Variants in ANKRD44 observed in about 807,000 individuals in gnomAD.
ANKRD44 encodes ankyrin repeat domain 44.
Under a neutral mutation model 116.0 loss-of-function variants are expected in ANKRD44, and 35 were observed. The observed-to-expected ratio is 0.30, with a 90% CI of 0.23 to 0.40. The LOEUF is 0.40. Among genes scored for constraint, ANKRD44 ranks in the 10% least tolerant of loss-of-function variants. The pLI is 1.00. For missense variants in ANKRD44, 1,014 were observed against 1,242.6 expected (o/e 0.82, Z 2.77); for synonymous variants, 435 against 461.8 (o/e 0.94, Z 0.74).
At chr2:197,096,903 T>C (rs1159482391) in intron 10 of ANKRD44, among the ~76,000 whole-genome samples, 1 of 148,070 alleles carries the variant, frequency 6.8e-6, no homozygotes, top group Non-Finnish European at 1.5e-5. Context: ...CACACACACA[T>C]ACAATCACTG....
intron 1 of ANKRD44, among the ~76,000 whole-genome samples, chr2:197,215,352 G>A (rs9677643): frequency 0.2 from 30,884 of 152,122 alleles, 3,296 homozygotes; most frequent in Middle Eastern, 0.31. Flanking sequence ...TTTTGGTAGA[G>A]AAAAGGCTAT....
intron 2 of ANKRD44, among the ~76,000 whole-genome samples, chr2:197,166,278 C>T (rs1453294191): frequency 6.6e-6 from 1 of 152,094 alleles, no homozygotes. Context: ...TGCCTTTGGC[C>T]AAAAGCAACA....
At chr2:197,209,422 G>A (rs1000031658) in intron 1 of ANKRD44, among the ~76,000 whole-genome samples, 8 of 152,210 alleles carry the variant, frequency 5.3e-5, no homozygotes, top group Non-Finnish European at 8.8e-5. Flanking sequence ...TGGGATGGGA[G>A]TCGGAGAAAG....
At chr2:197,000,292 G>A (rs2076091339) in intron 23 of ANKRD44, 127 bp downstream of exon 23, 5 of 724,920 alleles carry the variant, frequency 6.9e-6, no homozygotes, top group African/African-American at 1.8e-5. Context: ...TACACCCTCT[G>A]TAATATTAAA....
chr2:197,241,769 A>T (rs867695723), intron 1 of ANKRD44, among the ~76,000 whole-genome samples: 3 of 152,166 alleles, frequency 2.0e-5, no homozygotes, highest in African/African-American at 7.2e-5. Flanking sequence ...TGATAGTAAC[A>T]TGAGAATAAA....
chr2:197,186,966 G>C (rs1463785810), intron 2 of ANKRD44, 57 bp downstream of exon 2: 2 of 1,466,028 alleles, frequency 1.4e-6, no homozygotes, highest in Non-Finnish European at 1.9e-6. Context: ...AAGGTTAAGA[G>C]TCCTTTCCTG....
intron 16 of ANKRD44, among the ~76,000 whole-genome samples, chr2:197,054,806 G>A (rs1322659558): frequency 6.6e-6 from 1 of 152,168 alleles, no homozygotes; most frequent in African/African-American, 2.4e-5. Context: ...TTGCAGACTA[G>A]TTTCTGTATG....
chr2:197,120,646 C>T (rs13008943), intron 8 of ANKRD44, among the ~76,000 whole-genome samples: 72,885 of 151,416 alleles, frequency 0.48, 20,058 homozygotes, highest in East Asian at 0.94. Context: ...AGCAAAACTC[C>T]ATCTCAAAAA....
In ANKRD44 at chr2:197,025,238, T is replaced by C. The variant is rs1389566951; in HGVS notation, c.1680A>G (p.Glu560=). 6.2e-7 allele frequency: 1 copy of C among 1,612,414 alleles called. No homozygotes were observed. The highest frequency in any genetic ancestry group is 1.3e-5 in the African/African-American group (1 of 74,928). Residue 560 remains glutamate (E), a synonymous_variant, in exon 17 of 28, where the codon GAA becomes GAG. Transcript: ENST00000282272. ...TCTTAGTAGCACCAGAATCTGATTC[T>C]TCAAATCCACTGTTTGTTCTTTCCA... The part of the protein sequence containing the change: ...LLLERTNSGF[E]ESDSGATKSP...
intron 21 of ANKRD44, 143 bp downstream of exon 21, chr2:197,005,551 A>G: frequency 1.3e-6 from 1 of 787,212 alleles, no homozygotes; most frequent in Non-Finnish European, 2.0e-6. Context: ...AAAACAAACA[A>G]AATACACAAA....
intron 21 of ANKRD44, among the ~76,000 whole-genome samples, chr2:196,980,764 T>C (rs936782756): frequency 1.3e-5 from 2 of 152,014 alleles, no homozygotes; most frequent in African/African-American, 2.4e-5. Context: ...GTTTGGTTAG[T>C]TTTTTAATAG....
intron 2 of ANKRD44, among the ~76,000 whole-genome samples, chr2:197,182,081 C>A (rs1277351330): frequency 2.0e-5 from 3 of 152,170 alleles, no homozygotes; most frequent in African/African-American, 7.2e-5. Context: ...CCTCAAAATG[C>A]CTTTATTGAA....
chr2:197,263,187 C>A, intron 1 of ANKRD44: 1 of 483,378 alleles, frequency 2.1e-6, no homozygotes. Flanking sequence ...CATCTGCTAC[C>A]TGCAGTGGTG....
chr2:197,205,321 A>C lies in ANKRD44; in HGVS notation c.28-18215T>G, dbSNP rs116172448. On this transcript the variant is annotated intron_variant, in intron 1 of 27. Coordinates refer to ENST00000282272, the MANE Select transcript of ANKRD44 (RefSeq NM_001195144.2). ...AGTATTCTGATCCATGGTTTTACCCACCTGGCCAGTAAGGAAGGGAAGGAG... is the reference window on the plus strand; with the variant it reads ...AGTATTCTGATCCATGGTTTTACCCCCCTGGCCAGTAAGGAAGGGAAGGAG... Among the ~76,000 whole-genome samples the C allele has an allele frequency of 2.4e-3, 362 of 152,326 alleles. 1 individual carries two copies. Among genetic ancestry groups the C allele is most frequent in the African/African-American group, 7.9e-3 (330 of 41,576 alleles).
At chr2:197,044,087 T>G (rs12996588) in intron 16 of ANKRD44, among the ~76,000 whole-genome samples, 1 of 152,222 alleles carries the variant, frequency 6.6e-6, no homozygotes, top group African/African-American at 2.4e-5. Context: ...TTACTGTATT[T>G]CTTGGAATTT....
intron 17 of ANKRD44, chr2:197,015,342 A>G (rs757898833): frequency 1.9e-6 from 1 of 513,402 alleles, no homozygotes; most frequent in Non-Finnish European, 3.6e-6. Flanking sequence ...CAAGATTACA[A>G]CCACAGAAGT....
intron 1 of ANKRD44, among the ~76,000 whole-genome samples, chr2:197,216,613 G>A (rs1372167355): frequency 6.6e-6 from 1 of 152,134 alleles, no homozygotes; most frequent in Non-Finnish European, 1.5e-5. Flanking sequence ...AGGAGAGCAA[G>A]GGTGGCCCGT....
intron 2 of ANKRD44, among the ~76,000 whole-genome samples, chr2:197,155,344 G>C (rs141065213): frequency 6.6e-6 from 1 of 152,168 alleles, no homozygotes; most frequent in South Asian, 2.1e-4. Flanking sequence ...CATTGTTCAC[G>C]CTCTTGCTGG....
rs1455846308 is a variant in ANKRD44, at chr2:197,252,557, C to T, written c.27+58021G>A. On this transcript the variant is annotated intron_variant, in intron 1 of 27. Transcript: ENST00000282272. Reference sequence around the variant, plus strand: ...GAGTAGCTGGGACTACAGGCGCCCGCCACCACGCCCGGCTAATTTTTTGCG... The same window carrying T: ...GAGTAGCTGGGACTACAGGCGCCCGTCACCACGCCCGGCTAATTTTTTGCG... Among the ~76,000 whole-genome samples, 18 of 152,138 alleles carry T rather than the reference C, an allele frequency of 1.2e-4. 1 individual carries two copies. The highest frequency in any genetic ancestry group is 1.2e-3 in the Admixed American group (18 of 15,272).
Sources: gnomAD v4.1 joint callset for allele counts (sites outside exome capture counted in the v4.1 genomes callset) on GRCh38, gnomAD v4.1.1 for gene constraint, MANE v1.5 for transcripts, NCBI Gene and HGNC (gene_info 2026-07-23, HGNC 2026-07-21) for gene names.